The following CLTC variants were observed in gnomAD, a reference collection of about 807,000 sequenced individuals.
The protein encoded by CLTC is clathrin heavy chain 1.
Under a neutral mutation model 195.8 loss-of-function variants are expected in CLTC, and 16 were observed. The ratio of observed to expected loss-of-function variants is 0.08; its 90% CI spans 0.06 to 0.12. The LOEUF is 0.12. CLTC is among the 10% of genes least tolerant of loss of function. CLTC has a pLI of 1.00. For missense variants in CLTC, 796 were observed against 2,027.0 expected, an observed-to-expected ratio of 0.39 and a Z score of 11.66; for synonymous variants, 667 against 689.4, an observed-to-expected ratio of 0.97 and a Z score of 0.51.
At chr17:59,629,133 G>A (rs1567926794) in intron 1 of CLTC, among the ~76,000 whole-genome samples, 1 of 152,182 alleles carries the variant, frequency 6.6e-6, no homozygotes, top group Non-Finnish European at 1.5e-5. Context: ...GGAAAAACGT[G>A]TAGAGAGAAC....
chr17:59,684,220 ATCTC>A, intron 28 of CLTC: 1 of 429,744 alleles, frequency 2.3e-6, no homozygotes, highest in Non-Finnish European at 4.2e-6. Flanking sequence ...TGATTACTTT[ATCTC>A]TAACATCTAG....
intron 14 of CLTC, chr17:59,670,972 C>T (rs1453996178): frequency 6.6e-6 from 1 of 152,184 alleles, no homozygotes; most frequent in Admixed American, 6.6e-5. Context: ...GCTGTTACCT[C>T]AGGCAAGTTA....
intron 14 of CLTC, among the ~76,000 whole-genome samples, chr17:59,670,047 T>C (rs1463145558): frequency 6.6e-6 from 1 of 152,208 alleles, no homozygotes; most frequent in Non-Finnish European, 1.5e-5. Flanking sequence ...AGCTTTAAAA[T>C]GTCTTGGCCA....
rs1222819538 is a variant in CLTC, at chr17:59,666,365, T to C, written c.1783-115T>C. Reference sequence around the variant, plus strand: ...CTTATTAAAGAAAATGTAGCTATTATAATATTCTTTTGTACTTTAACAGTT... The same window carrying C: ...CTTATTAAAGAAAATGTAGCTATTACAATATTCTTTTGTACTTTAACAGTT... On this transcript the variant is annotated intron_variant, in intron 11 of 31. Transcript: ENST00000269122. The surrounding 1 kb of genome is among the most constrained non-coding windows in gnomAD (Gnocchi z 4.9). The C allele has an allele frequency of 1.4e-6, 2 of 1,476,664 alleles. No individual in the cohort carries two copies. The highest frequency in any genetic ancestry group is 1.3e-5 in the South Asian group (1 of 78,268). The allele number at this position is 1,476,664 out of a possible 1,614,324, so 91.5% of individuals were successfully genotyped here.
At position 59,651,310 on chromosome 17, in the gene CLTC, A is replaced by C; in HGVS notation, c.789A>C (p.Ala263=). ...AAGCACAAAATGATTTTCCTGTTGCAATGCAGGTATTTTAAGCAAAATAAA... is the reference window on the plus strand; with the variant it reads ...AAGCACAAAATGATTTTCCTGTTGCCATGCAGGTATTTTAAGCAAAATAAA... ...PPEAQNDFPV[A]MQISEKHDVV... The change falls in exon 5 of 32, where the codon GCA becomes GCC. Residue 263 remains alanine (A), a synonymous_variant. Coordinates refer to ENST00000269122, the MANE Select transcript of CLTC (RefSeq NM_004859.4). 1 of 1,607,580 alleles carries C rather than the reference A, an allele frequency of 6.2e-7. No individual in the cohort carries two copies.
intron 31 of CLTC, 21 bp downstream of exon 31, chr17:59,690,732 CAA>C (rs879736297): frequency 2.6e-6 from 4 of 1,551,032 alleles, no homozygotes; most frequent in Non-Finnish European, 2.7e-6. Context: ...TCTGTAACCT[CAA>C]AAAATTCATT....
At chr17:59,630,593 C>T (rs574470183) in intron 1 of CLTC, among the ~76,000 whole-genome samples, 2 of 152,282 alleles carry the variant, frequency 1.3e-5, no homozygotes, top group South Asian at 2.1e-4. Flanking sequence ...TCCTCCCATC[C>T]GCTAGCAACT....
chr17:59,636,823 C>G (rs2031873382), intron 1 of CLTC, among the ~76,000 whole-genome samples: 1 of 152,064 alleles, frequency 6.6e-6, no homozygotes, highest in African/African-American at 2.4e-5. Flanking sequence ...AGTGCAATGG[C>G]ACGATCTTGG....
At chr17:59,622,696 A>G (rs977178692) in intron 1 of CLTC, among the ~76,000 whole-genome samples, 3 of 152,306 alleles carry the variant, frequency 2.0e-5, no homozygotes, top group Admixed American at 6.5e-5. Flanking sequence ...TTTAATTGGC[A>G]TCTTTGGTCT....
chr17:59,636,605 C>G (rs2031867733), intron 1 of CLTC, among the ~76,000 whole-genome samples: 1 of 151,970 alleles, frequency 6.6e-6, no homozygotes, highest in African/African-American at 2.4e-5. Context: ...CCTCCCATCT[C>G]AACCTCCAAA....
intron 1 of CLTC, among the ~76,000 whole-genome samples, chr17:59,626,471 C>T (rs188847909): frequency 1.2e-4 from 19 of 152,164 alleles, no homozygotes; most frequent in African/African-American, 2.9e-4. Flanking sequence ...TGAATCATAT[C>T]GGATAAAATA....
At chr17:59,690,367 C>T in intron 30 of CLTC, 1 of 329,078 alleles carries the variant, frequency 3.0e-6, no homozygotes, top group Non-Finnish European at 5.5e-6. Flanking sequence ...CTCCCTCAGG[C>T]TGCATCCTAG....
At chr17:59,692,549 A>G (rs1487586435) in intron 31 of CLTC, among the ~76,000 whole-genome samples, 2 of 152,228 alleles carry the variant, frequency 1.3e-5, no homozygotes, top group Non-Finnish European at 2.9e-5. Context: ...GCCAACAACT[A>G]TTTAAACTTT....
chr17:59,620,313 A>G (rs2031328521), intron 1 of CLTC, 140 bp downstream of exon 1: 1 of 786,532 alleles, frequency 1.3e-6, no homozygotes, highest in Non-Finnish European at 2.2e-6. Flanking sequence ...AGGAGGGGGC[A>G]CTATCTTGGA....
intron 31 of CLTC, 120 bp from the exon 32 acceptor site, chr17:59,693,608 C>T (rs1364997962): frequency 2.5e-6 from 3 of 1,214,346 alleles, no homozygotes; most frequent in Non-Finnish European, 3.4e-6. Flanking sequence ...CCCCATACAA[C>T]TCATTTGAGG....
intron 4 of CLTC, among the ~76,000 whole-genome samples, chr17:59,650,989 A>C (rs2032315285): frequency 1.3e-5 from 2 of 152,180 alleles, no homozygotes; most frequent in Admixed American, 1.3e-4. Context: ...TGACCTTTTA[A>C]GATTGGCTTC....
intron 1 of CLTC, among the ~76,000 whole-genome samples, chr17:59,631,495 A>G (rs1052726103): frequency 2.6e-5 from 4 of 152,236 alleles, no homozygotes; most frequent in Admixed American, 6.5e-5. Context: ...TGTTGACATC[A>G]TCTGTGGCAT....
chr17:59,686,518 G>C (rs949074000), intron 30 of CLTC, among the ~76,000 whole-genome samples: 4 of 152,090 alleles, frequency 2.6e-5, no homozygotes, highest in Admixed American at 6.6e-5. Context: ...TGCCTGAGTT[G>C]GGGGGATGGG....
intron 13 of CLTC, 140 bp downstream of exon 13, chr17:59,667,117 A>G (rs1045145993): frequency 6.6e-6 from 4 of 605,316 alleles, no homozygotes; most frequent in South Asian, 2.3e-5. Context: ...GTTTTATTCA[A>G]TATATGTCAA....
Sources: gnomAD v4.1 joint callset for allele counts (sites outside exome capture counted in the v4.1 genomes callset) on GRCh38, gnomAD v4.1.1 for gene constraint, Gnocchi (gnomAD v3.1) non-coding constraint, MANE v1.5 for transcripts, NCBI Gene and HGNC (gene_info 2026-07-23, HGNC 2026-07-21) for gene names.